ZBBX: variants seen among roughly 807,000 people sequenced by gnomAD.
ZBBX encodes the protein zinc finger B-box domain-containing protein 1.
In ZBBX, 101 loss-of-function variants were observed where a neutral mutation model predicts 108.5. That is an observed-to-expected ratio of 0.93 (90% CI 0.79 to 1.10). ZBBX has a LOEUF of 1.10. ZBBX is among the 50% of genes least tolerant of loss of function. ZBBX has a pLI of 0.00. For synonymous variants in ZBBX, 356 were observed against 323.4 expected, an observed-to-expected ratio of 1.10 and a Z score of -1.08; for missense variants, 1,009 against 941.4, an observed-to-expected ratio of 1.07 and a Z score of -0.94.
At chr3:167,301,737 C>T (rs955508827) in intron 17 of ZBBX, among the ~76,000 whole-genome samples, 4 of 151,974 alleles carry the variant, frequency 2.6e-5, no homozygotes, top group African/African-American at 4.8e-5. Context: ...GCGGTTGGAT[C>T]GCGAGGTCAG....
the ZBBX span, among the ~76,000 whole-genome samples, chr3:167,179,889 G>A: frequency 6.6e-6 from 1 of 152,188 alleles, no homozygotes; most frequent in African/African-American, 2.4e-5. Flanking sequence ...TACCCACAAA[G>A]TCAAATAAAT....
intron 20 of ZBBX, among the ~76,000 whole-genome samples, chr3:167,260,705 C>T (rs968871087): frequency 2.0e-5 from 3 of 152,238 alleles, no homozygotes; most frequent in African/African-American, 4.8e-5. Context: ...AAGCTATCTA[C>T]CTCCTTGAAT....
chr3:167,192,660 C>A, the ZBBX span, among the ~76,000 whole-genome samples: 3 of 152,166 alleles, frequency 2.0e-5, no homozygotes, highest in South Asian at 2.1e-4. Flanking sequence ...ATATTCACTC[C>A]TTTTCATTCT....
At chr3:167,277,141 T>A (rs1727746873) in intron 20 of ZBBX, among the ~76,000 whole-genome samples, 1 of 151,820 alleles carries the variant, frequency 6.6e-6, no homozygotes, top group Admixed American at 6.6e-5. Context: ...TGCAAAATCA[T>A]GCTAAAATGT....
At chr3:167,295,351 T>C (rs1731454295) in intron 18 of ZBBX, among the ~76,000 whole-genome samples, 1 of 152,012 alleles carries the variant, frequency 6.6e-6, no homozygotes, top group Non-Finnish European at 1.5e-5. Flanking sequence ...CATGGAATAT[T>C]ATATAGCCAT....
intron 20 of ZBBX, 110 bp from the exon 21 acceptor site, chr3:167,242,753 T>A: frequency 1.0e-6 from 1 of 977,432 alleles, no homozygotes; most frequent in Non-Finnish European, 1.4e-6. Flanking sequence ...ACAAAGAAGG[T>A]CAGCATAGAT....
At chr3:167,405,282 T>C (rs1748548268) in intron 1 of ZBBX, among the ~76,000 whole-genome samples, 1 of 152,028 alleles carries the variant, frequency 6.6e-6, no homozygotes. Context: ...CCAGTGAGGA[T>C]AGAAAGAAGA....
At chr3:167,403,847 A>C (rs1160076928) in intron 1 of ZBBX, among the ~76,000 whole-genome samples, 1 of 152,088 alleles carries the variant, frequency 6.6e-6, no homozygotes, top group South Asian at 2.1e-4. Context: ...ACTTAATACT[A>C]CTTTAAACTA....
chr3:167,291,587 G>A (rs1730698939), intron 18 of ZBBX, among the ~76,000 whole-genome samples: 1 of 152,176 alleles, frequency 6.6e-6, no homozygotes, highest in Non-Finnish European at 1.5e-5. Flanking sequence ...AATGGTACCA[G>A]ACACTGCAAA....
chr3:167,179,185 C>T, the ZBBX span, among the ~76,000 whole-genome samples: 1 of 152,112 alleles, frequency 6.6e-6, no homozygotes, highest in African/African-American at 2.4e-5. Context: ...AAACTAGTCT[C>T]CCAAATGAGG....
intron 1 of ZBBX, among the ~76,000 whole-genome samples, chr3:167,395,570 C>T (rs1299608835): frequency 2.0e-5 from 3 of 151,282 alleles, no homozygotes; most frequent in Non-Finnish European, 4.4e-5. Context: ...GATTTCTAAC[C>T]TTGTCAGGTT....
the ZBBX span, among the ~76,000 whole-genome samples, chr3:167,211,574 G>T: frequency 6.6e-6 from 1 of 152,156 alleles, no homozygotes; most frequent in Non-Finnish European, 1.5e-5. Context: ...GCCTAAGAAG[G>T]AGTTCCCAGG....
At chr3:167,289,758 G>A (rs13074483) in intron 18 of ZBBX, among the ~76,000 whole-genome samples, 2,154 of 152,262 alleles carry the variant, frequency 0.014, 23 homozygotes, top group South Asian at 0.045. Context: ...AGAAGCCAGG[G>A]GGGTGAAGCC....
At chr3:167,403,474 C>G (rs1748489268) in intron 1 of ZBBX, among the ~76,000 whole-genome samples, 1 of 151,986 alleles carries the variant, frequency 6.6e-6, no homozygotes, top group Admixed American at 6.6e-5. Context: ...GTAGGAAATT[C>G]AGATCTGCAA....
chr3:167,180,594 A>C, the ZBBX span, among the ~76,000 whole-genome samples: 1 of 152,224 alleles, frequency 6.6e-6, no homozygotes, highest in Non-Finnish European at 1.5e-5. Flanking sequence ...GAATAACATA[A>C]CACTGTGAAA....
chr3:167,268,959 T>C (rs1343902592), intron 20 of ZBBX, among the ~76,000 whole-genome samples: 1 of 151,074 alleles, frequency 6.6e-6, no homozygotes, highest in Non-Finnish European at 1.5e-5. Flanking sequence ...CTCTAAAGAG[T>C]ATGGGGGAAC....
chr3:167,231,657 C>A, the ZBBX span, among the ~76,000 whole-genome samples: 1 of 151,746 alleles, frequency 6.6e-6, no homozygotes, highest in Admixed American at 6.6e-5. Flanking sequence ...TCAAAGAAAT[C>A]TATTTTGCAG....
upstream of ZBBX, among the ~76,000 whole-genome samples, chr3:167,384,089 C>G (rs966262300): frequency 6.6e-6 from 1 of 151,980 alleles, no homozygotes; most frequent in Non-Finnish European, 1.5e-5. Flanking sequence ...TCTTAATACC[C>G]TCAAATAATT....
chr3:167,263,035 CTTTTT>C (rs59613369), intron 20 of ZBBX, among the ~76,000 whole-genome samples: 1 of 84,892 alleles, frequency 1.2e-5, no homozygotes, highest in Non-Finnish European at 2.3e-5. Flanking sequence ...TTTTCTAGTT[CTTTTT>C]TTTTTTTTTT....
Sources: allele counts gnomAD v4.1 joint callset (sites outside exome capture counted in the v4.1 genomes callset), GRCh38; gene constraint gnomAD v4.1.1; transcripts MANE v1.5; gene names NCBI Gene and HGNC (gene_info 2026-07-23, HGNC 2026-07-21).